The following TSEN2 variants were observed in gnomAD, a reference collection of about 807,000 sequenced individuals.
TSEN2 encodes the protein tRNA-splicing endonuclease subunit Sen2.
TSEN2 carries 54 observed loss-of-function variants against 59.2 expected under a neutral mutation model. That is an observed-to-expected ratio of 0.91 (90% confidence interval 0.73 to 1.14). TSEN2 has a LOEUF of 1.14. Ranked by LOEUF, TSEN2 falls within the 50% of genes most tolerant of loss-of-function variation. The pLI, the probability that TSEN2 is intolerant of heterozygous loss-of-function variation, is 0.00. For synonymous variants in TSEN2, 195 were observed against 198.2 expected, an observed-to-expected ratio of 0.98 and a Z score of 0.14; for missense variants, 636 against 576.2, an observed-to-expected ratio of 1.10 and a Z score of -1.06.
In TSEN2 at chr3:12,505,110, G is replaced by T. The variant is rs749649471; in HGVS notation, c.832-44G>T. 4 of 1,108,730 alleles carry T rather than the reference G, an allele frequency of 3.6e-6. No homozygotes were observed. The South Asian group carries it at 3.7e-5, about 10-fold the overall frequency. The allele number at this position is 1,108,730 out of a possible 1,614,324, so 68.7% of individuals were successfully genotyped here. On this transcript the variant is annotated intron_variant, in intron 5 of 11. Coordinates refer to ENST00000284995, the MANE Select transcript of TSEN2 (RefSeq NM_025265.4). ...TAAAATACATTCTCTATGACATGTA[G>T]TGCTTCCATTTGTTCTGTATATATT...
intron 1 of TSEN2, among the ~76,000 whole-genome samples, chr3:12,487,246 A>G (rs1302704917): frequency 2.6e-5 from 4 of 152,228 alleles, no homozygotes; most frequent in African/African-American, 7.2e-5. Flanking sequence ...AGGGGTGTGC[A>G]GCCACATGAG....
intron 8 of TSEN2, among the ~76,000 whole-genome samples, chr3:12,526,561 C>T (rs1302165178): frequency 2.6e-5 from 4 of 152,136 alleles, no homozygotes; most frequent in Admixed American, 6.5e-5. Flanking sequence ...TACACAACAA[C>T]GAAATTGCCT....
intron 8 of TSEN2, among the ~76,000 whole-genome samples, chr3:12,523,328 C>T (rs2056797866): frequency 1.3e-5 from 2 of 151,874 alleles, no homozygotes; most frequent in Admixed American, 1.3e-4. Flanking sequence ...ATTTGAAGTC[C>T]CAGCACAGAA....
At chr3:12,480,882 TAA>T, upstream of TSEN2, among the ~76,000 whole-genome samples, 1 of 152,166 alleles carries the variant, frequency 6.6e-6, no homozygotes, top group South Asian at 2.1e-4. Context: ...CATGACAGAT[TAA>T]AAGAGCATAA....
At chr3:12,528,815 C>A in intron 8 of TSEN2, 73 bp from the exon 9 acceptor site, 2 of 1,534,976 alleles carry the variant, frequency 1.3e-6, no homozygotes, top group African/African-American at 1.4e-5. Context: ...ATAAAGCAAG[C>A]TTTTTGTTGA....
intron 6 of TSEN2, among the ~76,000 whole-genome samples, chr3:12,509,094 A>C (rs1432157611): frequency 6.6e-6 from 1 of 152,160 alleles, no homozygotes; most frequent in Non-Finnish European, 1.5e-5. Flanking sequence ...TGGGGGAGCA[A>C]ATTTTTTTTT....
At chr3:12,481,439 T>A (rs554317739), upstream of TSEN2, among the ~76,000 whole-genome samples, 45 of 152,232 alleles carry the variant, frequency 3.0e-4, no homozygotes, top group Admixed American at 4.6e-4. Flanking sequence ...CCTTCTTGTT[T>A]CAGCTCTCAT....
intron 8 of TSEN2, among the ~76,000 whole-genome samples, chr3:12,527,901 C>T (rs141711269): frequency 6.6e-6 from 1 of 152,270 alleles, no homozygotes; most frequent in South Asian, 2.1e-4. Context: ...TAGCCAGTCC[C>T]TGCCACAGAC....
intron 8 of TSEN2, among the ~76,000 whole-genome samples, chr3:12,525,748 A>G (rs2057022431): frequency 6.6e-6 from 1 of 151,342 alleles, no homozygotes; most frequent in African/African-American, 2.4e-5. Flanking sequence ...TGATTTTAGT[A>G]GAGAAAGGGT....
rs140042646 is a variant in TSEN2 at position 12,516,437 on chromosome 3, ACAAAATAT to A, written c.910-173_910-166del. On this transcript the variant is annotated intron_variant, in intron 6 of 11. Transcript: ENST00000284995. ...GAGACTCCGTTTCAAAAACAAACAA[ACAAAATAT>A]ATGTGTGTGTGTGTGTGTGTGTGTG... Among the ~76,000 whole-genome samples the A allele has an allele frequency of 0.063, 8,013 of 126,696 alleles. 285 individuals are homozygous for A. The highest frequency in any genetic ancestry group is 0.089 in the Non-Finnish European group (5,460 of 61,418). The allele number at this position is 126,696 out of a possible 152,430, so 83.1% of individuals were successfully genotyped here. A position where few individuals can be genotyped will look rare whatever the true frequency, so the allele number is the denominator to read the frequency against.
At chr3:12,491,893 G>A (rs2053249886) in intron 2 of TSEN2, among the ~76,000 whole-genome samples, 1 of 152,290 alleles carries the variant, frequency 6.6e-6, no homozygotes, top group East Asian at 1.9e-4. Context: ...CATAGCATTT[G>A]CATTGCATTA....
At chr3:12,523,526 CTTTTTTTTTTTTT>C (rs546904336) in intron 8 of TSEN2, among the ~76,000 whole-genome samples, 2 of 46,480 alleles carry the variant, frequency 4.3e-5, no homozygotes, top group African/African-American at 7.9e-5. Context: ...CTCTTTGATT[CTTTTTTTTTTTTT>C]TTTTTTTTTT....
chr3:12,483,605 A>G (rs1440093461), upstream of TSEN2, among the ~76,000 whole-genome samples: 1 of 152,224 alleles, frequency 6.6e-6, no homozygotes, highest in African/African-American at 2.4e-5. Flanking sequence ...AGGCAAGAAC[A>G]TTGGCAGAAG....
Position 12,484,622 on chromosome 3 carries a change from G to A in TSEN2, c.-276G>A, listed in dbSNP as rs548430010. The stretch of plus-strand genomic sequence containing the variant: ...AGTCCTCCAGGGCGAGAGAGGAAAG[G>A]GCCTAGGTACTGTGCTGGGGTCGCA... On this transcript the variant is annotated 5_prime_UTR_variant, in exon 1 of 12. Transcript: ENST00000284995. The A allele has an allele frequency of 1.0e-4, 16 of 152,396 alleles. No individual in the cohort carries two copies. The highest frequency in any genetic ancestry group is 3.6e-4 in the African/African-American group (15 of 41,592). 9.4% of individuals were successfully genotyped at this position (152,396 alleles called of 1,614,324 possible). A position where few individuals can be genotyped will look rare whatever the true frequency, so the allele number is the denominator to read the frequency against.
At chr3:12,503,234 T>C in intron 4 of TSEN2, 28 bp from the exon 5 acceptor site, 1 of 1,614,128 alleles carries the variant, frequency 6.2e-7, no homozygotes, top group South Asian at 1.1e-5. Context: ...ATTCGAGTGC[T>C]GTTTCTAACA....
chr3:12,482,549 G>C (rs1011526867), upstream of TSEN2, among the ~76,000 whole-genome samples: 1 of 113,554 alleles, frequency 8.8e-6, no homozygotes, highest in African/African-American at 3.7e-5. Flanking sequence ...AAAATTTACA[G>C]ATTTTTTTTC....
chr3:12,510,542 C>T (rs913222995), intron 6 of TSEN2, among the ~76,000 whole-genome samples: 3 of 152,184 alleles, frequency 2.0e-5, no homozygotes, highest in African/African-American at 4.8e-5. Context: ...ACACCAGGGT[C>T]GGGCGACAGC....
At chr3:12,524,046 C>G (rs897789955) in intron 8 of TSEN2, among the ~76,000 whole-genome samples, 2 of 152,114 alleles carry the variant, frequency 1.3e-5, no homozygotes, top group African/African-American at 4.8e-5. Context: ...TCCAAATATC[C>G]AGTCTATACT....
chr3:12,490,993 TTTTTG>T (rs1273427562), intron 2 of TSEN2, among the ~76,000 whole-genome samples: 1 of 151,850 alleles, frequency 6.6e-6, no homozygotes, highest in Non-Finnish European at 1.5e-5. Context: ...CTGGGTGTTT[TTTTTG>T]TTTGTTTTTT....
Sources: gnomAD v4.1 joint callset for allele counts (sites outside exome capture counted in the v4.1 genomes callset) on GRCh38, gnomAD v4.1.1 for gene constraint, MANE v1.5 for transcripts, NCBI Gene and HGNC (gene_info 2026-07-23, HGNC 2026-07-21) for gene names.